SPMIP4: variants seen among roughly 807,000 people sequenced by gnomAD.
The protein encoded by SPMIP4 is sperm-associated microtubule inner protein 4.
the SPMIP4 span, among the ~76,000 whole-genome samples, chr7:25,139,311 GGATGGAAA>G: frequency 2.0e-5 from 3 of 151,982 alleles, no homozygotes; most frequent in Non-Finnish European, 4.4e-5. Context: ...ATGGTTAGAG[GGATGGAAA>G]GATGGATAGA....
the SPMIP4 span, among the ~76,000 whole-genome samples, chr7:25,140,157 CA>C: frequency 6.6e-6 from 1 of 152,104 alleles, no homozygotes; most frequent in African/African-American, 2.4e-5. Context: ...ATGCTCATTG[CA>C]AATTCAACAA....
chr7:25,162,975 G>A, the SPMIP4 span, among the ~76,000 whole-genome samples: 1 of 152,172 alleles, frequency 6.6e-6, no homozygotes, highest in South Asian at 2.1e-4. Flanking sequence ...TGGCCAGGCT[G>A]GTCTCCAACT....
chr7:25,136,736 G>C, the SPMIP4 span: 3 of 1,613,912 alleles, frequency 1.9e-6, no homozygotes, highest in African/African-American at 4.0e-5. This position sits in a 1 kb window ranked among gnomAD's most constrained non-coding sequence, Gnocchi z 5.7. Flanking sequence ...TGAATTAATC[G>C]GGCAATTCGT....
At chr7:25,179,319 TA>T in the SPMIP4 span, 6 of 1,599,234 alleles carry the variant, frequency 3.8e-6, no homozygotes, top group Non-Finnish European at 3.4e-6. Context: ...GCTTCTTGGC[TA>T]AAAAGGCACA....
the SPMIP4 span, among the ~76,000 whole-genome samples, chr7:25,166,729 T>C: frequency 1.3e-5 from 2 of 150,840 alleles, no homozygotes; most frequent in Admixed American, 6.6e-5. Context: ...TTTTAGTCTC[T>C]ACTAAAAATA....
At chr7:25,166,361 G>A in the SPMIP4 span, among the ~76,000 whole-genome samples, 27,499 of 151,454 alleles carry the variant, frequency 0.18, 3,576 homozygotes, top group African/African-American at 0.37. Context: ...GCCCAGGTGG[G>A]CGGATCATGA....
chr7:25,147,062 G>C, the SPMIP4 span, among the ~76,000 whole-genome samples: 1 of 152,190 alleles, frequency 6.6e-6, no homozygotes, highest in Non-Finnish European at 1.5e-5. Context: ...TTGGGAGGCC[G>C]AGGAGGGAGG....
the SPMIP4 span, among the ~76,000 whole-genome samples, chr7:25,165,178 G>A: frequency 6.6e-6 from 1 of 152,194 alleles, no homozygotes; most frequent in East Asian, 1.9e-4. Flanking sequence ...GTGGGAATGA[G>A]GACTACAGTC....
chr7:25,175,358 A>G, the SPMIP4 span, among the ~76,000 whole-genome samples: 7 of 152,138 alleles, frequency 4.6e-5, no homozygotes, highest in African/African-American at 1.7e-4. Context: ...TCTAGGCTCA[A>G]GTGATCCTCC....
chr7:25,172,140 G>C, the SPMIP4 span, among the ~76,000 whole-genome samples: 12 of 152,200 alleles, frequency 7.9e-5, no homozygotes, highest in African/African-American at 4.8e-5. The surrounding 1 kb of genome is among the most constrained non-coding windows in gnomAD (Gnocchi z 4.2). Flanking sequence ...CTTCAGTGTA[G>C]AATCTCTCTT....
At chr7:25,152,748 C>CT in the SPMIP4 span, among the ~76,000 whole-genome samples, 4,671 of 120,282 alleles carry the variant, frequency 0.039, 181 homozygotes, top group African/African-American at 0.095. Context: ...CGTTGTCTCT[C>CT]TTTTTTTTTT....
At chr7:25,147,992 G>A in the SPMIP4 span, among the ~76,000 whole-genome samples, 10 of 152,134 alleles carry the variant, frequency 6.6e-5, no homozygotes, top group Admixed American at 2.0e-4. Context: ...ACTAACATAC[G>A]GTTCCCGGAG....
the SPMIP4 span, among the ~76,000 whole-genome samples, chr7:25,177,292 C>A: frequency 8.3e-4 from 126 of 151,982 alleles, 1 homozygote; most frequent in Admixed American, 7.2e-4. Flanking sequence ...ACCATCCTGG[C>A]CAACATAGTG....
At chr7:25,175,579 T>C in the SPMIP4 span, among the ~76,000 whole-genome samples, 2 of 152,222 alleles carry the variant, frequency 1.3e-5, no homozygotes, top group Admixed American at 6.5e-5. Context: ...TGTACCTGGA[T>C]ACATCATGAT....
chr7:25,128,574 C>A, the SPMIP4 span, among the ~76,000 whole-genome samples: 4 of 152,156 alleles, frequency 2.6e-5, no homozygotes, highest in Non-Finnish European at 5.9e-5. The surrounding 1 kb of genome is among the most constrained non-coding windows in gnomAD (Gnocchi z 4.5). Flanking sequence ...CTATTAGTCC[C>A]GAGTTTCTCC....
chr7:25,133,513 TAGA>T, the SPMIP4 span, among the ~76,000 whole-genome samples: 87 of 152,358 alleles, frequency 5.7e-4, no homozygotes, highest in Middle Eastern at 0.027. Context: ...TGGTCATATT[TAGA>T]AGATCTCTCA....
chr7:25,180,132 G>C, the SPMIP4 span: 1 of 152,368 alleles, frequency 6.6e-6, no homozygotes, highest in Non-Finnish European at 1.5e-5. Context: ...GGCAGGCCGG[G>C]GTGGGGTGGG....
chr7:25,146,607 T>C, the SPMIP4 span, among the ~76,000 whole-genome samples: 2 of 152,130 alleles, frequency 1.3e-5, no homozygotes, highest in African/African-American at 2.4e-5. Context: ...GCATTTTAGA[T>C]TGGAAAGATG....
chr7:25,141,574 GAAAAA>G, the SPMIP4 span, among the ~76,000 whole-genome samples: 177 of 94,928 alleles, frequency 1.9e-3, no homozygotes, highest in South Asian at 3.4e-3. Context: ...CTGTCTCAAG[GAAAAA>G]AAAAAAAAAA....
Sources: gnomAD v4.1 joint callset for allele counts (sites outside exome capture counted in the v4.1 genomes callset) on GRCh38, gnomAD v4.1.1 for gene constraint, Gnocchi (gnomAD v3.1) non-coding constraint, MANE v1.5 for transcripts, NCBI Gene and HGNC (gene_info 2026-07-23, HGNC 2026-07-21) for gene names.